PPP1R16B: variants seen among roughly 807,000 people sequenced by gnomAD.
PPP1R16B encodes protein phosphatase 1 regulatory subunit 16B.
In PPP1R16B, 14 loss-of-function variants were observed where a neutral mutation model predicts 61.7. The observed-to-expected ratio is 0.23, with a 90% CI of 0.15 to 0.35. The LOEUF (loss-of-function observed/expected upper bound fraction) is 0.35, where lower values mean the gene tolerates loss of function less well. PPP1R16B is among the 10% of genes least tolerant of loss of function. PPP1R16B has a pLI of 1.00. For missense variants in PPP1R16B, 547 were observed against 752.5 expected, an observed-to-expected ratio of 0.73 and a Z score of 3.19; for synonymous variants, 266 against 305.3, an observed-to-expected ratio of 0.87 and a Z score of 1.34.
At chr20:38,818,674 A>G (rs1835067077) in intron 1 of PPP1R16B, among the ~76,000 whole-genome samples, 1 of 152,084 alleles carries the variant, frequency 6.6e-6, no homozygotes, top group South Asian at 2.1e-4. Flanking sequence ...GCAAAGGCTC[A>G]GTTAACTCCT....
At chr20:38,878,055 G>C (rs1439557150) in intron 2 of PPP1R16B, among the ~76,000 whole-genome samples, 1 of 146,656 alleles carries the variant, frequency 6.8e-6, no homozygotes, top group East Asian at 2.0e-4. Context: ...TTGGATGTCG[G>C]TCATCTTGCT....
At chr20:38,908,326 C>G in intron 10 of PPP1R16B, 133 bp downstream of exon 10, 1 of 1,128,212 alleles carries the variant, frequency 8.9e-7, no homozygotes. Flanking sequence ...ACTAGCATAT[C>G]CAGTCTGATG....
At chr20:38,868,529 C>T (rs1277531645) in intron 2 of PPP1R16B, among the ~76,000 whole-genome samples, 5 of 152,106 alleles carry the variant, frequency 3.3e-5, no homozygotes, top group Admixed American at 6.5e-5. Flanking sequence ...GGATTACAGG[C>T]ACATGCCACC....
intron 2 of PPP1R16B, among the ~76,000 whole-genome samples, chr20:38,880,317 T>C (rs563401737): frequency 6.6e-6 from 1 of 152,178 alleles, no homozygotes; most frequent in East Asian, 1.9e-4. Context: ...ATAAATGACA[T>C]TGAAGCTGGG....
intron 10 of PPP1R16B, among the ~76,000 whole-genome samples, chr20:38,913,785 T>C (rs1488719562): frequency 6.6e-6 from 1 of 152,168 alleles, no homozygotes; most frequent in Non-Finnish European, 1.5e-5. Flanking sequence ...GGTCAGCCCA[T>C]TTCCAGAACG....
chr20:38,866,604 T>A (rs1241154096), intron 2 of PPP1R16B, among the ~76,000 whole-genome samples: 2 of 152,068 alleles, frequency 1.3e-5, no homozygotes, highest in African/African-American at 4.8e-5. Context: ...CTTTTTCCCA[T>A]GGAGGGGATA....
At chr20:38,834,868 A>G (rs1390274769) in intron 1 of PPP1R16B, among the ~76,000 whole-genome samples, 1 of 152,178 alleles carries the variant, frequency 6.6e-6, no homozygotes, top group Non-Finnish European at 1.5e-5. Flanking sequence ...GCTATTTTTC[A>G]AAACAAAAAA....
At chr20:38,872,078 C>T (rs1257186464) in intron 2 of PPP1R16B, among the ~76,000 whole-genome samples, 1 of 152,220 alleles carries the variant, frequency 6.6e-6, no homozygotes, top group African/African-American at 2.4e-5. Flanking sequence ...CAGCCCTGGA[C>T]ACCGTGGAGG....
chr20:38,911,067 A>G (rs746287111), intron 10 of PPP1R16B, among the ~76,000 whole-genome samples: 3 of 152,034 alleles, frequency 2.0e-5, no homozygotes, highest in Non-Finnish European at 4.4e-5. Context: ...GCTGGTCTCA[A>G]ACTCCTGGGC....
At position 38,919,366 on chromosome 20, in the gene PPP1R16B, A is replaced by G. The variant is rs2085572480; in HGVS notation, c.*700A>G. ...TGAGAGCCACACTTCTGCCCATGCC[A>G]GGAGCCAGCTGTGTGACCATCCAGG... On this transcript the variant is annotated 3_prime_UTR_variant, in exon 11 of 11. Transcript: ENST00000299824. The G allele has an allele frequency of 6.6e-6, 1 of 152,320 alleles. No individual in the cohort carries two copies. The allele number at this position is 152,320 out of a possible 1,614,324, so 9.4% of individuals were successfully genotyped here. A position where few individuals can be genotyped will look rare whatever the true frequency, so the allele number is the denominator to read the frequency against.
At chr20:38,861,752 C>T (rs1274935380) in intron 2 of PPP1R16B, among the ~76,000 whole-genome samples, 4 of 150,332 alleles carry the variant, frequency 2.7e-5, no homozygotes, top group African/African-American at 9.8e-5. Context: ...TCTTGGCTCA[C>T]TGCAACCTCT....
At chr20:38,864,165 A>T (rs577899502) in intron 2 of PPP1R16B, among the ~76,000 whole-genome samples, 50 of 152,372 alleles carry the variant, frequency 3.3e-4, no homozygotes, top group African/African-American at 1.2e-3. Flanking sequence ...AAAGTAGATT[A>T]GGAGTTACCT....
chr20:38,807,169 A>G (rs2084668078), intron 1 of PPP1R16B, among the ~76,000 whole-genome samples: 1 of 151,884 alleles, frequency 6.6e-6, no homozygotes, highest in African/African-American at 2.4e-5. Flanking sequence ...GTACCCTGCC[A>G]TTTCCTGCGG....
chr20:38,832,092 T>C (rs190938536), intron 1 of PPP1R16B, among the ~76,000 whole-genome samples: 3 of 152,338 alleles, frequency 2.0e-5, no homozygotes, highest in East Asian at 1.9e-4. Context: ...TGTCCTGTAT[T>C]CTGGAAAGCC....
At chr20:38,877,887 C>T (rs1426030247) in intron 2 of PPP1R16B, among the ~76,000 whole-genome samples, 1 of 148,460 alleles carries the variant, frequency 6.7e-6, no homozygotes, top group Non-Finnish European at 1.5e-5. Flanking sequence ...TATATTTGAA[C>T]ATTCCTTTAA....
intron 2 of PPP1R16B, among the ~76,000 whole-genome samples, chr20:38,886,486 G>A (rs539132848): frequency 1.0e-3 from 155 of 152,272 alleles, no homozygotes; most frequent in South Asian, 2.1e-3. Context: ...TAGCTAATGT[G>A]AGCAGAACCA....
In PPP1R16B at chr20:38,805,771, G is replaced by C. The variant is rs969783555; in HGVS notation, c.-123G>C. 6.6e-6 allele frequency: 1 copy of C among 152,264 alleles called. No homozygotes were observed. The highest frequency in any genetic ancestry group is 2.4e-5 in the African/African-American group (1 of 41,456). 9.4% of individuals were successfully genotyped at this position (152,264 alleles called of 1,614,324 possible). ...ACACAGCCGGGGTCGGGAGCCGCCC[G>C]GGGCAGGGCTCGGGAGAGCGGGTGA... On this transcript the variant is annotated 5_prime_UTR_variant, in exon 1 of 11. Transcript: ENST00000299824.
At chr20:38,833,703 C>T (rs546462671) in intron 1 of PPP1R16B, among the ~76,000 whole-genome samples, 18 of 152,376 alleles carry the variant, frequency 1.2e-4, no homozygotes, top group African/African-American at 4.1e-4. Context: ...TTGCCATTGG[C>T]TTATTTATGC....
intron 2 of PPP1R16B, among the ~76,000 whole-genome samples, chr20:38,859,540 G>A (rs761789658): frequency 6.6e-6 from 1 of 152,224 alleles, no homozygotes; most frequent in African/African-American, 2.4e-5. Flanking sequence ...TGCCCAGACT[G>A]GGGTGCAGTG....
Sources: allele counts gnomAD v4.1 joint callset (sites outside exome capture counted in the v4.1 genomes callset), GRCh38; gene constraint gnomAD v4.1.1; transcripts MANE v1.5; gene names NCBI Gene and HGNC (gene_info 2026-07-23, HGNC 2026-07-21).